The following TMTC2 variants were observed in gnomAD, a reference collection of about 807,000 sequenced individuals.
TMTC2 encodes the protein transmembrane O-mannosyltransferase targeting cadherins 2, also known as protein O-mannosyl-transferase TMTC2.
In TMTC2, 43 loss-of-function variants were observed where a neutral mutation model predicts 82.4. That is an observed-to-expected ratio of 0.52 (90% CI 0.41 to 0.67). The LOEUF (loss-of-function observed/expected upper bound fraction) is 0.67. Among genes scored for constraint, TMTC2 ranks in the 30% least tolerant of loss-of-function variants. TMTC2 has a pLI of 0.00. For missense variants in TMTC2, 919 were observed against 1,012.4 expected, an observed-to-expected ratio of 0.91 and a Z score of 1.25; for synonymous variants, 408 against 381.9, an observed-to-expected ratio of 1.07 and a Z score of -0.80.
intron 11 of TMTC2, among the ~76,000 whole-genome samples, chr12:83,102,819 G>A (rs576721328): frequency 1.3e-5 from 2 of 152,274 alleles, no homozygotes; most frequent in East Asian, 3.9e-4. Context: ...GATGTACTCA[G>A]GAGGCAGTTC....
intron 1 of TMTC2, among the ~76,000 whole-genome samples, chr12:82,753,274 T>C (rs1163226530): frequency 6.6e-6 from 1 of 152,046 alleles, no homozygotes; most frequent in African/African-American, 2.4e-5. Flanking sequence ...AAATAATTTA[T>C]TTCTGCAGTC....
At chr12:82,997,814 A>G (rs1018918982) in intron 8 of TMTC2, among the ~76,000 whole-genome samples, 5 of 152,108 alleles carry the variant, frequency 3.3e-5, no homozygotes, top group South Asian at 2.1e-4. Flanking sequence ...GTGTGAGGAA[A>G]GATACATACT....
rs761817332 is a variant in TMTC2, at chr12:83,132,289, G to A, written c.2411G>A (p.Arg804Gln). 49 of 1,613,752 alleles carry A rather than the reference G, an allele frequency of 3.0e-5. No homozygotes were observed. The highest frequency in any genetic ancestry group is 4.5e-5 in the East Asian group (2 of 44,864). ...CAGAAGGCCGAGGCCAACTACCTGCGGGCCCTGCAGCTCAAGCCAGACGAT... is the reference window on the plus strand; with the variant it reads ...CAGAAGGCCGAGGCCAACTACCTGCAGGCCCTGCAGCTCAAGCCAGACGAT... ...RLQKAEANYLRALQLKPDDVI... is the reference protein window; with the variant it reads ...RLQKAEANYLQALQLKPDDVI... The change falls in exon 12 of 12, where the codon CGG becomes CAG. Residue 804 changes from arginine to glutamine, a missense_variant. Transcript: ENST00000321196.
intron 11 of TMTC2, among the ~76,000 whole-genome samples, chr12:83,096,981 C>T (rs897591696): frequency 2.6e-5 from 4 of 152,118 alleles, no homozygotes; most frequent in East Asian, 1.9e-4. Flanking sequence ...TTTGATTATT[C>T]GTTACTCTCA....
chr12:82,901,198 T>C lies in TMTC2; in HGVS notation c.1483+4552T>C, dbSNP rs556549261. Among the ~76,000 whole-genome samples, 324 of 100,436 alleles carry C rather than the reference T, an allele frequency of 3.2e-3. 11 individuals are homozygous for C. The highest frequency in any genetic ancestry group is 4.4e-3 in the Non-Finnish European group (232 of 53,194). 65.9% of individuals were successfully genotyped at this position (100,436 alleles called of 152,430 possible). A position where few individuals can be genotyped will look rare whatever the true frequency, so the allele number is the denominator to read the frequency against. On this transcript the variant is annotated intron_variant, in intron 3 of 11. Coordinates refer to ENST00000321196, the MANE Select transcript of TMTC2 (RefSeq NM_152588.3). Reference sequence around the variant, plus strand: ...ATATATATATAGGAATATATATATATCTGGAATATATATATAGGAATATAT... The same window carrying C: ...ATATATATATAGGAATATATATATACCTGGAATATATATATAGGAATATAT...
chr12:83,068,937 A>G (rs1883013802), intron 11 of TMTC2, among the ~76,000 whole-genome samples: 1 of 152,030 alleles, frequency 6.6e-6, no homozygotes, highest in Non-Finnish European at 1.5e-5. Context: ...TAGCTCCCAC[A>G]TATCATTGAG....
intron 7 of TMTC2, among the ~76,000 whole-genome samples, chr12:82,978,962 C>A (rs1013753434): frequency 1.3e-5 from 2 of 151,486 alleles, no homozygotes; most frequent in African/African-American, 4.8e-5. Flanking sequence ...TTTATAGTTT[C>A]TGTCTTGAAA....
chr12:82,937,797 CACACATATAT>C (rs1565818463), intron 4 of TMTC2, among the ~76,000 whole-genome samples: 3 of 22,120 alleles, frequency 1.4e-4, no homozygotes, highest in Non-Finnish European at 2.9e-4. Flanking sequence ...TATATATATA[CACACATATAT>C]ATATAAAATG....
At position 82,848,198 on chromosome 12, in the gene TMTC2, C is replaced by T. The variant is rs530944322; in HGVS notation, c.84-8812C>T. Among the ~76,000 whole-genome samples the T allele has an allele frequency of 2.0e-5, 3 of 152,224 alleles. 1 individual carries two copies. Among genetic ancestry groups the T allele is most frequent in the Middle Eastern group, 3.4e-3 (1 of 294 alleles). ...TGCCAGTTATTCCTGCTGCTCCATCCCTCAAGCTTCATTCCATCCATACTT... is the reference window on the plus strand; with the variant it reads ...TGCCAGTTATTCCTGCTGCTCCATCTCTCAAGCTTCATTCCATCCATACTT... On this transcript the variant is annotated intron_variant, in intron 1 of 11. Coordinates refer to ENST00000321196, the MANE Select transcript of TMTC2 (RefSeq NM_152588.3).
intron 1 of TMTC2, among the ~76,000 whole-genome samples, chr12:82,788,704 G>A (rs916463644): frequency 6.6e-6 from 1 of 152,150 alleles, no homozygotes. Flanking sequence ...TCTGGAGAAT[G>A]TATAATCACA....
intron 2 of TMTC2, among the ~76,000 whole-genome samples, chr12:82,871,719 G>GTGTGTT: frequency 6.7e-6 from 1 of 148,798 alleles, no homozygotes; most frequent in East Asian, 2.0e-4. Context: ...GTGTGTGTGT[G>GTGTGTT]TTTTAAGACC....
Position 83,016,208 on chromosome 12 carries a change from G to C in TMTC2, c.2071-14590G>C, listed in dbSNP as rs147532292. ...TGTAAGCTGCTGGTCCTTTTAACTA[G>C]TGTTAAATTAAGAAAAATTTTCCAT... On this transcript the variant is annotated intron_variant, in intron 8 of 11. Coordinates refer to ENST00000321196, the MANE Select transcript of TMTC2 (RefSeq NM_152588.3). Among the ~76,000 whole-genome samples, 333 of 152,244 alleles carry C rather than the reference G, an allele frequency of 2.2e-3. 6 individuals are homozygous for C. The highest frequency in any genetic ancestry group is 0.017 in the South Asian group (84 of 4,816).
chr12:82,725,879 G>A (rs779349946), intron 1 of TMTC2, among the ~76,000 whole-genome samples: 2 of 152,174 alleles, frequency 1.3e-5, no homozygotes, highest in Non-Finnish European at 2.9e-5. Flanking sequence ...TGGAGACCAA[G>A]GTTCTTTTGA....
In TMTC2 at chr12:82,872,467, T is replaced by C. The variant is rs146761982; in HGVS notation, c.654+14887T>C. ...GACATTGAAACATTTGGTTTGTTTC[T>C]GAATTTCATATTGCTGCATCATTGC... On this transcript the variant is annotated intron_variant, in intron 2 of 11. Transcript: ENST00000321196. Among the ~76,000 whole-genome samples the C allele has an allele frequency of 1.0e-3, 158 of 152,354 alleles. 3 individuals carry two copies. Among genetic ancestry groups the C allele is most frequent in the Non-Finnish European group, 3.8e-4 (26 of 68,024 alleles).
At chr12:82,876,130 ATGGTGGTGGTGGTGG>A (rs575160141) in intron 2 of TMTC2, among the ~76,000 whole-genome samples, 5 of 111,278 alleles carry the variant, frequency 4.5e-5, no homozygotes, top group African/African-American at 7.0e-5. Flanking sequence ...GGTATTAGTA[ATGGTGGTGGTGGTGG>A]TGGTGGTGGT....
intron 9 of TMTC2, among the ~76,000 whole-genome samples, chr12:83,035,661 G>A (rs538559429): frequency 6.6e-6 from 1 of 152,232 alleles, no homozygotes; most frequent in East Asian, 1.9e-4. Flanking sequence ...AGTCTTTATT[G>A]AATTCAGTTT....
intron 8 of TMTC2, among the ~76,000 whole-genome samples, chr12:82,991,827 T>A (rs1565842430): frequency 6.6e-6 from 1 of 152,236 alleles, no homozygotes; most frequent in Non-Finnish European, 1.5e-5. Flanking sequence ...TAGCTGTTTC[T>A]AAAGTTGTGT....
intron 11 of TMTC2, among the ~76,000 whole-genome samples, chr12:83,073,431 T>C (rs935450529): frequency 6.6e-6 from 1 of 152,230 alleles, no homozygotes; most frequent in Non-Finnish European, 1.5e-5. Context: ...GTCTTAACTT[T>C]GGATAACCTG....
chr12:82,801,654 T>C (rs1056825602), intron 1 of TMTC2, among the ~76,000 whole-genome samples: 4 of 152,030 alleles, frequency 2.6e-5, no homozygotes, highest in African/African-American at 9.7e-5. Context: ...AGAGTGCAGA[T>C]TGGTGCACCT....
Sources: allele counts gnomAD v4.1 joint callset (sites outside exome capture counted in the v4.1 genomes callset), GRCh38; gene constraint gnomAD v4.1.1; transcripts MANE v1.5; gene names NCBI Gene and HGNC (gene_info 2026-07-23, HGNC 2026-07-21).